The following ASTN2 variants were observed in gnomAD, a reference collection of about 807,000 sequenced individuals.
The protein encoded by ASTN2 is astrotactin-2.
A neutral mutation model predicts 139.8 loss-of-function variants in ASTN2; 54 were observed. The ratio of observed to expected loss-of-function variants is 0.39; its 90% CI spans 0.31 to 0.48. ASTN2 has a LOEUF of 0.48. ASTN2 is among the 20% of genes least tolerant of loss of function. The pLI is 0.95. For synonymous variants in ASTN2, 756 were observed against 719.5 expected, an observed-to-expected ratio of 1.05 and a Z score of -0.81; for missense variants, 1,565 against 1,725.1, an observed-to-expected ratio of 0.91 and a Z score of 1.64.
intron 5 of ASTN2, among the ~76,000 whole-genome samples, chr9:117,056,939 T>C (rs531701826): frequency 6.6e-6 from 1 of 152,346 alleles, no homozygotes; most frequent in South Asian, 2.1e-4. Context: ...CAAAGCCTCA[T>C]ATCCCCATAT....
chr9:117,154,398 G>A (rs1021729921), intron 3 of ASTN2, among the ~76,000 whole-genome samples: 1 of 151,960 alleles, frequency 6.6e-6, no homozygotes, highest in Non-Finnish European at 1.5e-5. Flanking sequence ...GTAACATTTG[G>A]GGTGTAGCAG....
At chr9:117,042,807 C>G (rs1838617956) in intron 5 of ASTN2, among the ~76,000 whole-genome samples, 1 of 152,266 alleles carries the variant, frequency 6.6e-6, no homozygotes, top group South Asian at 2.1e-4. Flanking sequence ...AATCATTTAG[C>G]AAAACCCCTA....
At chr9:116,650,289 GA>G (rs1232621891) in intron 17 of ASTN2, among the ~76,000 whole-genome samples, 2 of 152,040 alleles carry the variant, frequency 1.3e-5, no homozygotes, top group African/African-American at 2.4e-5. Context: ...ATTGCATTTG[GA>G]AAAAGTGTTC....
In ASTN2 at chr9:116,791,000, AAAGAAAGAAAGAAAG is replaced by A. The variant is rs1420625453; in HGVS notation, c.2396+14617_2396+14631del. 1.7e-3 allele frequency among the ~76,000 whole-genome samples: 210 copies of A among 122,626 alleles called. 1 individual carries two copies. The highest frequency in any genetic ancestry group is 4.3e-3 in the South Asian group (14 of 3,254). The allele number at this position is 122,626 out of a possible 152,430, so 80.4% of individuals were successfully genotyped here. A position where few individuals can be genotyped will look rare whatever the true frequency, so the allele number is the denominator to read the frequency against. The stretch of plus-strand genomic sequence containing the variant: ...GAAAGAAAGAAAGAAAGAAAGAAAG[AAAGAAAGAAAGAAAG>A]AAAGAAAGAAAGAAAGAAAGAAAGA... On this transcript the variant is annotated intron_variant, in intron 13 of 22. Coordinates refer to ENST00000313400, the MANE Select transcript of ASTN2 (RefSeq NM_001365068.1).
intron 2 of ASTN2, among the ~76,000 whole-genome samples, chr9:117,226,908 A>G (rs1293036891): frequency 6.6e-6 from 1 of 152,218 alleles, no homozygotes; most frequent in Admixed American, 6.5e-5. Flanking sequence ...GATCCCTAAT[A>G]TTGTGCCAAC....
chr9:116,650,879 G>A (rs986934476), intron 17 of ASTN2, among the ~76,000 whole-genome samples: 4 of 149,966 alleles, frequency 2.7e-5, no homozygotes, highest in African/African-American at 9.8e-5. Flanking sequence ...GAAGCATCAG[G>A]TCAATGCAGC....
At chr9:117,258,969 T>C (rs576050335) in intron 2 of ASTN2, among the ~76,000 whole-genome samples, 1 of 152,310 alleles carries the variant, frequency 6.6e-6, no homozygotes, top group South Asian at 2.1e-4. Context: ...AATCAGTATA[T>C]AACTTTGGCC....
chr9:116,994,029 A>G (rs1015342817), intron 7 of ASTN2, among the ~76,000 whole-genome samples: 17 of 152,018 alleles, frequency 1.1e-4, no homozygotes, highest in Admixed American at 4.6e-4. Context: ...TGCTTGATAA[A>G]TATATACTGA....
rs71379245 is a variant in ASTN2 at position 116,956,094 on chromosome 9, CT to C, written c.1889+19113del. ...CAGAACTCTTTTTTCTTTTTCTTTT[CT>C]TTTTTTTTTTTTTTTTTGAGATGGA... On this transcript the variant is annotated intron_variant, in intron 10 of 22. Coordinates refer to ENST00000313400, the MANE Select transcript of ASTN2 (RefSeq NM_001365068.1). Among the ~76,000 whole-genome samples, 564 of 119,138 alleles carry C rather than the reference CT, an allele frequency of 4.7e-3. 3 individuals carry two copies. Among genetic ancestry groups the C allele is most frequent in the African/African-American group, 0.016 (510 of 31,998 alleles). 78.2% of individuals were successfully genotyped at this position (119,138 alleles called of 152,430 possible). A position where few individuals can be genotyped will look rare whatever the true frequency, so the allele number is the denominator to read the frequency against.
intron 19 of ASTN2, among the ~76,000 whole-genome samples, chr9:116,530,094 G>GACATAT (rs1160064026): frequency 2.0e-5 from 1 of 51,084 alleles, no homozygotes; most frequent in South Asian, 1.2e-3. Flanking sequence ...GATAAAGTGT[G>GACATAT]ATATATATAT....
intron 6 of ASTN2, among the ~76,000 whole-genome samples, chr9:117,021,732 T>C (rs1344136984): frequency 6.6e-6 from 1 of 152,200 alleles, no homozygotes; most frequent in African/African-American, 2.4e-5. Context: ...TATAAAAATT[T>C]GGATAACAAT....
intron 13 of ASTN2, among the ~76,000 whole-genome samples, chr9:116,758,805 C>T (rs1419631265): frequency 6.6e-6 from 1 of 152,156 alleles, no homozygotes; most frequent in Non-Finnish European, 1.5e-5. Flanking sequence ...CTCTCATACT[C>T]ATCTCTGTAT....
chr9:116,631,101 T>C (rs7028449), intron 17 of ASTN2, among the ~76,000 whole-genome samples: 3,599 of 152,212 alleles, frequency 0.024, 141 homozygotes, highest in African/African-American at 0.082. Context: ...TTACACACTG[T>C]TGGTGGGAAT....
chr9:116,493,788 G>C (rs1418746932), intron 19 of ASTN2, among the ~76,000 whole-genome samples: 3 of 152,184 alleles, frequency 2.0e-5, no homozygotes, highest in African/African-American at 7.2e-5. Context: ...AAGGAGCAGT[G>C]GGAGTGGGGG....
Position 116,698,075 on chromosome 9 carries a change from C to G in ASTN2, c.2806+27696G>C, listed in dbSNP as rs772903453. The stretch of plus-strand genomic sequence containing the variant: ...GTGGGCGGCGTCTGCCCCGGCAATT[C>G]TGCCGGAGCTGTGGTTTGGTGTTAT... On this transcript the variant is annotated intron_variant, in intron 16 of 22. Coordinates refer to ENST00000313400, the MANE Select transcript of ASTN2 (RefSeq NM_001365068.1). The surrounding 1 kb of genome is among the most constrained non-coding windows in gnomAD (Gnocchi z 4.4). 1.2e-6 allele frequency: 2 copies of G among 1,614,122 alleles called. No homozygotes were observed. The highest frequency in any genetic ancestry group is 1.7e-6 in the Non-Finnish European group (2 of 1,180,040).
chr9:116,590,137 G>T (rs1854319897), intron 19 of ASTN2, among the ~76,000 whole-genome samples: 1 of 152,182 alleles, frequency 6.6e-6, no homozygotes, highest in South Asian at 2.1e-4. Context: ...ACAGGTAGAA[G>T]CCCCACCCAC....
chr9:116,718,006 TC>T (rs1356942815), intron 16 of ASTN2, among the ~76,000 whole-genome samples: 1 of 152,250 alleles, frequency 6.6e-6, no homozygotes, highest in East Asian at 1.9e-4. Flanking sequence ...GCAGGCATGG[TC>T]CCTGCCCTCA....
chr9:116,799,875 A>C (rs750636863), intron 13 of ASTN2, among the ~76,000 whole-genome samples: 5 of 152,188 alleles, frequency 3.3e-5, no homozygotes, highest in African/African-American at 4.8e-5. Context: ...TTAGCACCGG[A>C]AGGGATAAGA....
intron 19 of ASTN2, among the ~76,000 whole-genome samples, chr9:116,577,537 AAAAAG>A (rs141395117): frequency 0.16 from 24,086 of 151,268 alleles, 2,040 homozygotes; most frequent in African/African-American, 0.22. Context: ...GTCTCAAAAA[AAAAAG>A]AAAAAGAAAA....
Sources: allele counts gnomAD v4.1 joint callset (sites outside exome capture counted in the v4.1 genomes callset), GRCh38; gene constraint gnomAD v4.1.1; non-coding constraint Gnocchi (gnomAD v3.1); transcripts MANE v1.5; gene names NCBI Gene and HGNC (gene_info 2026-07-23, HGNC 2026-07-21).